The following ZZEF1 variants were observed in gnomAD, a reference collection of about 807,000 sequenced individuals.
ZZEF1 encodes the protein zinc finger ZZ-type and EF-hand domain-containing protein 1.
ZZEF1 carries 157 observed loss-of-function variants against 342.8 expected under a neutral mutation model. That is an observed-to-expected ratio of 0.46 (90% CI 0.40 to 0.52). The LOEUF (loss-of-function observed/expected upper bound fraction) is 0.52. ZZEF1 is among the 20% of genes least tolerant of loss of function. ZZEF1 has a pLI of 0.00. For missense variants in ZZEF1, 3,480 were observed against 3,725.6 expected, an observed-to-expected ratio of 0.93 and a Z score of 1.72; for synonymous variants, 1,505 against 1,429.1, an observed-to-expected ratio of 1.05 and a Z score of -1.20.
intron 17 of ZZEF1, among the ~76,000 whole-genome samples, chr17:4,081,704 A>C (rs1310149723): frequency 2.0e-5 from 3 of 152,238 alleles, no homozygotes; most frequent in Non-Finnish European, 4.4e-5. Context: ...CAAATCCTCC[A>C]GTCCTGGATG....
intron 1 of ZZEF1, among the ~76,000 whole-genome samples, chr17:4,126,198 T>C (rs1468172476): frequency 3.8e-5 from 5 of 130,982 alleles, no homozygotes; most frequent in Non-Finnish European, 7.7e-5. Context: ...CACTCCAGCC[T>C]GGGTGACAGA....
At chr17:4,095,300 T>C (rs577265206) in intron 11 of ZZEF1, among the ~76,000 whole-genome samples, 1 of 152,356 alleles carries the variant, frequency 6.6e-6, no homozygotes, top group African/African-American at 2.4e-5. Context: ...CGCTCTGCCC[T>C]GTGTCCCCAC....
Position 4,109,805 on chromosome 17 carries a change from A to C in ZZEF1, c.1125T>G (p.Gly375=). 6.2e-7 allele frequency: 1 copy of C among 1,614,230 alleles called. No individual in the cohort carries two copies. The highest frequency in any genetic ancestry group is 8.5e-7 in the Non-Finnish European group (1 of 1,180,044). ...LSDGCDTRIH[G]LRAVGFQRVK... ...CTCTCTGAAAGCCAACAGCCCTGAG[A>C]CCATGAATTCTAGTGTCGCAGCCAT... Residue 375 remains glycine (G), a synonymous_variant, in exon 6 of 55, where the codon GGT becomes GGG. Transcript: ENST00000381638.
chr17:4,014,539 C>G lies in ZZEF1; in HGVS notation c.8146-24G>C. On this transcript the variant is annotated intron_variant, in intron 49 of 54. Transcript: ENST00000381638. This position sits in a 1 kb window ranked among gnomAD's most constrained non-coding sequence, Gnocchi z 4.4. Reference sequence around the variant, plus strand: ...TCCTAGGGAGGGGAAATGGAGAACACATCTGTCGATGCTGCTCACTAGACA... The same window carrying G: ...TCCTAGGGAGGGGAAATGGAGAACAGATCTGTCGATGCTGCTCACTAGACA... 1 of 1,613,230 alleles carries G rather than the reference C, an allele frequency of 6.2e-7. No individual in the cohort carries two copies. Among genetic ancestry groups the G allele is most frequent in the Non-Finnish European group, 8.5e-7 (1 of 1,179,368 alleles).
intron 39 of ZZEF1, among the ~76,000 whole-genome samples, chr17:4,036,268 A>AT (rs1317628703): frequency 1.3e-5 from 2 of 152,126 alleles, no homozygotes; most frequent in Non-Finnish European, 2.9e-5. Flanking sequence ...TTTAGGTCTG[A>AT]TAATTCTCAT....
At chr17:4,078,837 T>C (rs527424439) in intron 18 of ZZEF1, among the ~76,000 whole-genome samples, 4 of 152,370 alleles carry the variant, frequency 2.6e-5, no homozygotes, top group South Asian at 2.1e-4. Flanking sequence ...TTGAATTTGA[T>C]AGATTCCTGA....
chr17:4,099,721 C>A (rs1213098306), intron 9 of ZZEF1, among the ~76,000 whole-genome samples: 1 of 151,718 alleles, frequency 6.6e-6, no homozygotes, highest in Non-Finnish European at 1.5e-5. Flanking sequence ...AATTTTTGTA[C>A]TGTTAGTAGA....
chr17:4,125,110 T>C (rs896526602), intron 1 of ZZEF1, among the ~76,000 whole-genome samples: 7 of 152,112 alleles, frequency 4.6e-5, no homozygotes, highest in Non-Finnish European at 1.0e-4. Context: ...AACCTCACCC[T>C]CTGGTGTCCC....
intron 1 of ZZEF1, 30 bp from the exon 2 acceptor site, chr17:4,124,081 G>A (rs1458334011): frequency 2.5e-6 from 4 of 1,578,434 alleles, no homozygotes; most frequent in Non-Finnish European, 3.4e-6. Flanking sequence ...AGAAAATCAG[G>A]GCTGTTTCAA....
intron 2 of ZZEF1, among the ~76,000 whole-genome samples, chr17:4,117,835 G>A (rs1219556503): frequency 6.6e-6 from 1 of 152,102 alleles, no homozygotes; most frequent in Non-Finnish European, 1.5e-5. Flanking sequence ...TGCATTAAGA[G>A]TAAAATCATA....
chr17:4,121,267 G>A (rs1283490302), intron 2 of ZZEF1, among the ~76,000 whole-genome samples: 2 of 152,196 alleles, frequency 1.3e-5, no homozygotes, highest in African/African-American at 2.4e-5. Flanking sequence ...AGCTCCTGAT[G>A]CTATCCACAT....
At chr17:4,110,667 C>T (rs918072384) in intron 5 of ZZEF1, among the ~76,000 whole-genome samples, 1 of 143,232 alleles carries the variant, frequency 7.0e-6, no homozygotes, top group African/African-American at 2.5e-5. Context: ...AAATTGGAAA[C>T]AATCTAAATG....
intron 30 of ZZEF1, among the ~76,000 whole-genome samples, chr17:4,061,409 C>T (rs2145215932): frequency 6.6e-6 from 1 of 152,134 alleles, no homozygotes; most frequent in South Asian, 2.1e-4. Context: ...AGTCCCAGGC[C>T]CCTTCTTGTC....
In ZZEF1 at chr17:4,032,966, C is replaced by G; in HGVS notation, c.6621G>C (p.Glu2207Asp). Residue 2207 changes from glutamate (E) to aspartate (D), a missense_variant, in exon 41 of 55, where the codon GAG (glutamate) becomes GAC (aspartate). Around this residue, in one of 5 missense-constraint regions of ZZEF1, gnomAD observed 1,269 missense variants for 1,342.4 expected, o/e 0.95. Transcript: ENST00000381638. Reference protein sequence around the residue: ...VGLDWACSMAEILRSLNSAPL... With the variant: ...VGLDWACSMADILRSLNSAPL... ...GGGCACTGTTGAGTGACCGCAGGATCTCTGCCATGGAGCACGCCCAGTCCA... is the reference window on the plus strand; with the variant it reads ...GGGCACTGTTGAGTGACCGCAGGATGTCTGCCATGGAGCACGCCCAGTCCA... 1 of 1,600,638 alleles carries G rather than the reference C, an allele frequency of 6.2e-7. No individual in the cohort carries two copies.
intron 32 of ZZEF1, among the ~76,000 whole-genome samples, chr17:4,057,551 T>C (rs1039648723): frequency 3.9e-5 from 6 of 152,184 alleles, no homozygotes; most frequent in East Asian, 1.9e-4. Flanking sequence ...GAGGTCCTTA[T>C]AATGTGCAAG....
In ZZEF1 at chr17:4,105,931, G is replaced by C. The variant is rs2058205045; in HGVS notation, c.1278-122C>G. The C allele has an allele frequency of 4.1e-6, 3 of 737,952 alleles. No individual in the cohort carries two copies. The South Asian group carries it at 5.7e-5, about 14-fold the overall frequency. The allele number at this position is 737,952 out of a possible 1,614,324, so 45.7% of individuals were successfully genotyped here. ...AAACAGACAGTGTTCCCACAGAGAA[G>C]CTGGCACACAATATAAACTGGCCCT... On this transcript the variant is annotated intron_variant, in intron 6 of 54. Coordinates refer to ENST00000381638, the MANE Select transcript of ZZEF1 (RefSeq NM_015113.4).
intron 2 of ZZEF1, 150 bp downstream of exon 2, chr17:4,123,757 A>G: frequency 2.3e-6 from 2 of 861,732 alleles, no homozygotes; most frequent in Non-Finnish European, 3.4e-6. Flanking sequence ...GATGAAAGAG[A>G]TGACTAAAGG....
At chr17:4,095,296 G>A (rs1366651676) in intron 11 of ZZEF1, among the ~76,000 whole-genome samples, 1 of 152,164 alleles carries the variant, frequency 6.6e-6, no homozygotes, top group Non-Finnish European at 1.5e-5. Context: ...GGGCCGCTCT[G>A]CCCTGTGTCC....
At chr17:4,036,366 T>C (rs183296253) in intron 39 of ZZEF1, among the ~76,000 whole-genome samples, 5 of 151,820 alleles carry the variant, frequency 3.3e-5, no homozygotes, top group African/African-American at 9.7e-5. Flanking sequence ...TCCAGGAGCA[T>C]TCCCTGAGTT....
Sources: gnomAD v4.1 joint callset for allele counts (sites outside exome capture counted in the v4.1 genomes callset) on GRCh38, gnomAD v4.1.1 for gene constraint, gnomAD v4.1.1 regional missense constraint, Gnocchi (gnomAD v3.1) non-coding constraint, MANE v1.5 for transcripts, NCBI Gene and HGNC (gene_info 2026-07-23, HGNC 2026-07-21) for gene names.